GPRC5A: variants seen among roughly 807,000 people sequenced by gnomAD.
GPRC5A encodes the protein G protein-coupled receptor class C group 5 member A.
A neutral mutation model predicts 22.5 loss-of-function variants in GPRC5A; 19 were observed. The ratio of observed to expected loss-of-function variants is 0.85; its 90% confidence interval spans 0.59 to 1.24. GPRC5A has a LOEUF of 1.24. Among genes scored for constraint, GPRC5A ranks in the 50% most tolerant of loss-of-function variants. The probability of loss-of-function intolerance (pLI) is 0.00; values close to 1 mark genes in which losing one functional copy is unlikely to be tolerated. For missense variants in GPRC5A, 471 were observed against 451.1 expected, an observed-to-expected ratio of 1.04 and a Z score of -0.40; for synonymous variants, 192 against 184.5, an observed-to-expected ratio of 1.04 and a Z score of -0.33.
chr12:12,913,616 A>G lies in GPRC5A; in HGVS notation c.*1077A>G, dbSNP rs1864030568. ...AATAAGTTATTCACCTGAGTATGCAATAAAGATGTGGTGGCCACTCTTTCA... is the reference window on the plus strand; with the variant it reads ...AATAAGTTATTCACCTGAGTATGCAGTAAAGATGTGGTGGCCACTCTTTCA... On this transcript the variant is annotated 3_prime_UTR_variant, in exon 4 of 4. Transcript: ENST00000014914. 1 of 152,184 alleles carries G rather than the reference A, an allele frequency of 6.6e-6. No homozygotes were observed. The highest frequency in any genetic ancestry group is 2.4e-5 in the African/African-American group (1 of 41,438). 9.4% of individuals were successfully genotyped at this position (152,184 alleles called of 1,614,324 possible).
chr12:12,896,820 G>C (rs989527779), intron 1 of GPRC5A, among the ~76,000 whole-genome samples: 12 of 152,116 alleles, frequency 7.9e-5, no homozygotes, highest in Admixed American at 2.6e-4. Flanking sequence ...TGTCTGATAG[G>C]CAGCTCAGCA....
In GPRC5A at chr12:12,916,668, A is replaced by G. The variant is rs926758120; in HGVS notation, c.*4129A>G. On this transcript the variant is annotated 3_prime_UTR_variant, in exon 4 of 4. Coordinates refer to ENST00000014914, the MANE Select transcript of GPRC5A (RefSeq NM_003979.4). ...TTATTTTTGTGAAACCCTCCAAGGT[A>G]TTTCCAGTCCATTTGCATCCAATCT... is the stretch of plus-strand genomic sequence containing the variant. 1.2e-4 allele frequency: 18 copies of G among 152,188 alleles called. No homozygotes were observed. The highest frequency in any genetic ancestry group is 3.3e-4 in the Admixed American group (5 of 15,272). The allele number at this position is 152,188 out of a possible 1,614,324, so 9.4% of individuals were successfully genotyped here. A position where few individuals can be genotyped will look rare whatever the true frequency, so the allele number is the denominator to read the frequency against.
chr12:12,914,549 C>CTTCCTTTCTTTCTTTCT lies in GPRC5A; in HGVS notation c.*2013_*2014insCTTTCTTTCTTTCTTTC, dbSNP rs58381355. The CTTCCTTTCTTTCTTTCT allele has an allele frequency of 2.0e-5, 1 of 50,570 alleles. No individual in the cohort carries two copies. The highest frequency in any genetic ancestry group is 8.7e-4 in the South Asian group (1 of 1,146). 3.1% of individuals were successfully genotyped at this position (50,570 alleles called of 1,614,324 possible). A position where few individuals can be genotyped will look rare whatever the true frequency, so the allele number is the denominator to read the frequency against. On this transcript the variant is annotated 3_prime_UTR_variant, in exon 4 of 4. Transcript: ENST00000014914. ...CTCTCTTTCCTTCCTTCCTTCCTTT[C>CTTCCTTTCTTTCTTTCT]TTCTTTCTTTCTTTCTTTCTTTCTT...
chr12:12,910,224 G>A (rs1305681265), intron 2 of GPRC5A, among the ~76,000 whole-genome samples: 2 of 152,262 alleles, frequency 1.3e-5, no homozygotes, highest in Non-Finnish European at 2.9e-5. Flanking sequence ...AGCCTGAGGT[G>A]TGGAACTTCC....
rs777623116 is a variant in GPRC5A at position 12,908,559 on chromosome 12, C to T, written c.310C>T (p.Leu104Phe). 1.1e-5 allele frequency: 18 copies of T among 1,614,190 alleles called. No homozygotes were observed. The South Asian group carries it at 1.6e-4, about 15-fold the overall frequency. Reference sequence around the variant, plus strand: ...CACACGCTTCTTCCTCTTTGGGATCCTCTTTTCCATCTGCTTCTCCTGCCT... The same window carrying T: ...CACACGCTTCTTCCTCTTTGGGATCTTCTTTTCCATCTGCTTCTCCTGCCT... Reference protein sequence around the residue: ...GPTRFFLFGILFSICFSCLLA... With the variant: ...GPTRFFLFGIFFSICFSCLLA... Residue 104 changes from leucine to phenylalanine, a missense_variant, in exon 2 of 4, where the codon CTC becomes TTC. Physicochemically the swap from Leu to Phe is conservative, Grantham distance 22. Transcript: ENST00000014914.
chr12:12,901,736 A>C (rs1863888577), intron 1 of GPRC5A, among the ~76,000 whole-genome samples: 1 of 140,404 alleles, frequency 7.1e-6, no homozygotes, highest in Non-Finnish European at 1.5e-5. Context: ...AATTTATGAG[A>C]TGTGTGTCTC....
At chr12:12,892,904 G>C (rs1243558298) in intron 1 of GPRC5A, among the ~76,000 whole-genome samples, 1 of 152,202 alleles carries the variant, frequency 6.6e-6, no homozygotes, top group African/African-American at 2.4e-5. Context: ...GACCACGGGA[G>C]GGGTGAGGGC....
rs890599186 is a variant in GPRC5A, at chr12:12,915,512, A to C, written c.*2973A>C. The C allele has an allele frequency of 1.9e-5, 3 of 154,784 alleles. No individual in the cohort carries two copies. Among genetic ancestry groups the C allele is most frequent in the African/African-American group, 7.2e-5 (3 of 41,440 alleles). The allele number at this position is 154,784 out of a possible 1,614,324, so 9.6% of individuals were successfully genotyped here. ...CACCCGGCCTGCTTTCTTTTTAGTG[A>C]AAAGGATCTGTGGGAGCTTTTATTC... On this transcript the variant is annotated 3_prime_UTR_variant, in exon 4 of 4. Coordinates refer to ENST00000014914, the MANE Select transcript of GPRC5A (RefSeq NM_003979.4).
rs760953581 is a variant in GPRC5A at position 12,908,769 on chromosome 12, A to C, written c.520A>C (p.Asn174His). The C allele has an allele frequency of 1.5e-5, 24 of 1,614,070 alleles. No individual in the cohort carries two copies. The highest frequency in any genetic ancestry group is 2.0e-5 in the Non-Finnish European group (24 of 1,180,052). The change falls in exon 2 of 4, where the codon AAT becomes CAT. Residue 174 changes from asparagine (N) to histidine (H), a missense_variant. Transcript: ENST00000014914. ...TTCTGAGCTTTCCGCTCCTCGTCGC[A>C]ATGAAGACTTTGTCCTCCTGCTCAC... Reference protein sequence around the residue: ...VFSELSAPRRNEDFVLLLTYV... With the variant: ...VFSELSAPRRHEDFVLLLTYV...
At chr12:12,893,098 C>A (rs2136453898) in intron 1 of GPRC5A, among the ~76,000 whole-genome samples, 1 of 152,340 alleles carries the variant, frequency 6.6e-6, no homozygotes, top group East Asian at 1.9e-4. Context: ...CCGGGAAGAG[C>A]TCTCAACCTT....
At chr12:12,909,260 A>G in intron 2 of GPRC5A, 89 bp downstream of exon 2, 1 of 927,682 alleles carries the variant, frequency 1.1e-6, no homozygotes, top group Non-Finnish European at 1.6e-6. Context: ...AACATGCAAG[A>G]TTTTCCAGAT....
chr12:12,911,653 TA>T (rs1464438227), intron 2 of GPRC5A, among the ~76,000 whole-genome samples: 4 of 152,048 alleles, frequency 2.6e-5, no homozygotes, highest in Admixed American at 2.6e-4. Flanking sequence ...CACGCCTGGC[TA>T]ATTTTTTGTA....
intron 1 of GPRC5A, among the ~76,000 whole-genome samples, chr12:12,904,620 C>T (rs1277742546): frequency 6.6e-6 from 1 of 152,040 alleles, no homozygotes; most frequent in Non-Finnish European, 1.5e-5. Context: ...GAATGAATGA[C>T]TACATAAAAT....
Position 12,914,099 on chromosome 12 carries a change from A to C in GPRC5A, c.*1560A>C, listed in dbSNP as rs1864033880. On this transcript the variant is annotated 3_prime_UTR_variant, in exon 4 of 4. Coordinates refer to ENST00000014914, the MANE Select transcript of GPRC5A (RefSeq NM_003979.4). ...AATCCAAGAAAGAGCTCTGTAGGGC[A>C]GAGCAATAGGAAATCTCTCTTTCGT... The C allele has an allele frequency of 6.6e-6, 1 of 152,282 alleles. No homozygotes were observed. The highest frequency in any genetic ancestry group is 2.4e-5 in the African/African-American group (1 of 41,468). The allele number at this position is 152,282 out of a possible 1,614,324, so 9.4% of individuals were successfully genotyped here. A position where few individuals can be genotyped will look rare whatever the true frequency, so the allele number is the denominator to read the frequency against.
intron 1 of GPRC5A, among the ~76,000 whole-genome samples, chr12:12,896,029 G>T (rs190869745): frequency 6.8e-6 from 1 of 146,778 alleles, no homozygotes; most frequent in African/African-American, 2.5e-5. Context: ...TAGTATACTA[G>T]TAGAGGACTT....
Position 12,914,480 on chromosome 12 carries a change from A to G in GPRC5A, c.*1941A>G, listed in dbSNP as rs893232195. ...TGGTTTCACATATATTATCTATCAT[A>G]GGCTAGGGACTCAAGAAATGCATAT... is the stretch of plus-strand genomic sequence containing the variant. On this transcript the variant is annotated 3_prime_UTR_variant, in exon 4 of 4. Coordinates refer to ENST00000014914, the MANE Select transcript of GPRC5A (RefSeq NM_003979.4). 1 of 152,102 alleles carries G rather than the reference A, an allele frequency of 6.6e-6. No individual in the cohort carries two copies. Among genetic ancestry groups the G allele is most frequent in the African/African-American group, 2.4e-5 (1 of 41,416 alleles). 9.4% of individuals were successfully genotyped at this position (152,102 alleles called of 1,614,324 possible). A position where few individuals can be genotyped will look rare whatever the true frequency, so the allele number is the denominator to read the frequency against.
intron 1 of GPRC5A, among the ~76,000 whole-genome samples, chr12:12,907,960 C>A (rs957910881): frequency 2.6e-5 from 4 of 152,150 alleles, no homozygotes; most frequent in Non-Finnish European, 4.4e-5. Flanking sequence ...CTTCAAAATA[C>A]CTCTTCAGAG....
rs756580157 is a variant in GPRC5A at position 12,908,505 on chromosome 12, A to G, written c.256A>G (p.Ile86Val). ...CATCTTTGGCCTCACCTTCGCCTTC[A>G]TCATCGGACTGGACGGGAGCACAGG... ...LGIFGLTFAF[I>V]IGLDGSTGPT... Residue 86 changes from isoleucine (I) to valine (V), a missense_variant, in exon 2 of 4, where the codon ATC becomes GTC. Transcript: ENST00000014914. 5 of 1,614,084 alleles carry G rather than the reference A, an allele frequency of 3.1e-6. No individual in the cohort carries two copies. Among genetic ancestry groups the G allele is most frequent in the Non-Finnish European group, 4.2e-6 (5 of 1,180,036 alleles).
intron 1 of GPRC5A, among the ~76,000 whole-genome samples, chr12:12,902,387 A>G (rs1263590111): frequency 6.6e-6 from 1 of 151,936 alleles, no homozygotes; most frequent in Non-Finnish European, 1.5e-5. Context: ...ATTGGGAAAT[A>G]TGAATCCTAA....
Sources: allele counts gnomAD v4.1 joint callset (sites outside exome capture counted in the v4.1 genomes callset), GRCh38; gene constraint gnomAD v4.1.1; transcripts MANE v1.5; gene names NCBI Gene and HGNC (gene_info 2026-07-23, HGNC 2026-07-21).